The following L3MBTL4 variants were observed in gnomAD, a reference collection of about 807,000 sequenced individuals.
L3MBTL4 encodes lethal(3)malignant brain tumor-like protein 4.
In L3MBTL4, 70 loss-of-function variants were observed where a neutral mutation model predicts 84.5. The observed-to-expected ratio is 0.83, with a 90% confidence interval of 0.68 to 1.01. The LOEUF (loss-of-function observed/expected upper bound fraction) is 1.01, where lower values mean the gene tolerates loss of function less well. Among genes scored for constraint, L3MBTL4 ranks in the 50% least tolerant of loss-of-function variants. The probability of loss-of-function intolerance (pLI) is 0.00; values close to 1 mark genes in which losing one functional copy is unlikely to be tolerated. For synonymous variants in L3MBTL4, 274 were observed against 259.8 expected (o/e 1.05, Z -0.52); for missense variants, 715 against 754.8 (o/e 0.95, Z 0.62).
At chr18:6,314,234 G>A (rs535866272) in intron 1 of L3MBTL4, among the ~76,000 whole-genome samples, 1 of 152,182 alleles carries the variant, frequency 6.6e-6, no homozygotes, top group African/African-American at 2.4e-5. Context: ...AAAATACATG[G>A]ATTACTCTGA....
At chr18:6,199,337 A>C (rs564876960) in intron 12 of L3MBTL4, among the ~76,000 whole-genome samples, 1 of 152,266 alleles carries the variant, frequency 6.6e-6, no homozygotes, top group South Asian at 2.1e-4. Flanking sequence ...TTCCACTTAA[A>C]TTCATTAAAC....
intron 1 of L3MBTL4, among the ~76,000 whole-genome samples, chr18:6,321,183 A>G (rs2051382992): frequency 6.6e-6 from 1 of 152,176 alleles, no homozygotes; most frequent in Non-Finnish European, 1.5e-5. Context: ...AAAATTTATG[A>G]CTACGACCCC....
intron 4 of L3MBTL4, among the ~76,000 whole-genome samples, chr18:6,281,193 A>G (rs1231265911): frequency 6.6e-6 from 1 of 152,212 alleles, no homozygotes; most frequent in Non-Finnish European, 1.5e-5. Flanking sequence ...TAATGCATAA[A>G]GAATAAATTA....
intron 1 of L3MBTL4, among the ~76,000 whole-genome samples, chr18:6,360,956 T>C (rs1007303947): frequency 4.0e-5 from 6 of 150,978 alleles, no homozygotes; most frequent in Non-Finnish European, 7.4e-5. Flanking sequence ...AGTCCAAGGC[T>C]GCAGTGAGCT....
chr18:6,198,972 T>C (rs1372808419), intron 12 of L3MBTL4, among the ~76,000 whole-genome samples: 1 of 152,214 alleles, frequency 6.6e-6, no homozygotes, highest in Non-Finnish European at 1.5e-5. Flanking sequence ...ATTATGTAAT[T>C]ACTGATTTTT....
rs141073480 is a variant in L3MBTL4, at chr18:6,001,308, G to A, written c.1445-31746C>T. 4.6e-3 allele frequency among the ~76,000 whole-genome samples: 703 copies of A among 152,300 alleles called. 4 individuals carry two copies. Among genetic ancestry groups the A allele is most frequent in the African/African-American group, 0.016 (684 of 41,570 alleles). Reference sequence around the variant, plus strand: ...CCTTCTGGGGAGCCAAACATTTAAGGATTAGCACATTTAAAAGCAATAACA... The same window carrying A: ...CCTTCTGGGGAGCCAAACATTTAAGAATTAGCACATTTAAAAGCAATAACA... On this transcript the variant is annotated intron_variant, in intron 16 of 18. Transcript: ENST00000317931.
At chr18:6,090,948 T>A (rs1251935260) in intron 15 of L3MBTL4, among the ~76,000 whole-genome samples, 2 of 152,122 alleles carry the variant, frequency 1.3e-5, no homozygotes, top group Non-Finnish European at 2.9e-5. Context: ...TGGAGGCCAG[T>A]GGAAATTATA....
At chr18:6,369,693 C>T (rs78917622) in intron 1 of L3MBTL4, among the ~76,000 whole-genome samples, 2 of 152,108 alleles carry the variant, frequency 1.3e-5, no homozygotes, top group African/African-American at 4.8e-5. Flanking sequence ...GGGGGATATG[C>T]AACAGACCTG....
In L3MBTL4 at chr18:6,302,085, A is replaced by G; in HGVS notation, c.73-128T>C. The G allele has an allele frequency of 9.9e-6, 8 of 809,478 alleles. 1 individual carries two copies. Among genetic ancestry groups the G allele is most frequent in the Non-Finnish European group, 1.8e-5 (8 of 453,870 alleles). The allele number at this position is 809,478 out of a possible 1,614,324, so 50.1% of individuals were successfully genotyped here. A position where few individuals can be genotyped will look rare whatever the true frequency, so the allele number is the denominator to read the frequency against. ...CGTCACTGAGGCGGACAACGCACAC[A>G]ATACCCAGAGTCTTCCGGTGGGTGC... On this transcript the variant is annotated intron_variant, in intron 3 of 18. Transcript: ENST00000317931.
intron 12 of L3MBTL4, among the ~76,000 whole-genome samples, chr18:6,183,071 T>C (rs181116759): frequency 8.4e-4 from 128 of 152,306 alleles, no homozygotes; most frequent in Non-Finnish European, 1.5e-3. Context: ...ATAGAATTAG[T>C]TTTTCCCATA....
chr18:6,042,069 G>A (rs905212022), intron 16 of L3MBTL4, among the ~76,000 whole-genome samples: 2 of 152,028 alleles, frequency 1.3e-5, no homozygotes, highest in Non-Finnish European at 2.9e-5. Context: ...TCCCATACAG[G>A]TTTCCCCAAC....
chr18:6,281,411 T>G (rs2049316012), intron 4 of L3MBTL4, among the ~76,000 whole-genome samples: 1 of 152,210 alleles, frequency 6.6e-6, no homozygotes. Flanking sequence ...CTTATGGTGT[T>G]AATTCTCCAA....
chr18:6,253,237 G>C (rs1415604907), intron 5 of L3MBTL4, among the ~76,000 whole-genome samples: 4 of 152,060 alleles, frequency 2.6e-5, no homozygotes, highest in Admixed American at 1.3e-4. Context: ...ACCCTATATT[G>C]GAACTATGAC....
chr18:6,268,407 C>CAAAA (rs374801819), intron 4 of L3MBTL4, among the ~76,000 whole-genome samples: 1,846 of 148,238 alleles, frequency 0.012, 33 homozygotes, highest in African/African-American at 0.042. Flanking sequence ...AACTCTGTCT[C>CAAAA]AAAAAAAAAA....
At chr18:6,049,181 C>A (rs1213068183) in intron 16 of L3MBTL4, among the ~76,000 whole-genome samples, 2 of 152,064 alleles carry the variant, frequency 1.3e-5, no homozygotes, top group East Asian at 3.9e-4. Flanking sequence ...CTAGGAAACA[C>A]CATTTTCTGA....
At chr18:5,965,785 G>A (rs765238339) in intron 17 of L3MBTL4, among the ~76,000 whole-genome samples, 7 of 152,278 alleles carry the variant, frequency 4.6e-5, no homozygotes, top group South Asian at 2.1e-4. Context: ...TTCAGGATGC[G>A]GTCCTTGTCC....
At chr18:6,356,070 C>T (rs533830456) in intron 1 of L3MBTL4, among the ~76,000 whole-genome samples, 5 of 152,302 alleles carry the variant, frequency 3.3e-5, no homozygotes, top group South Asian at 2.1e-4. Flanking sequence ...GCAATGATGC[C>T]GTCAGCTCTC....
At chr18:6,185,997 A>T (rs548334867) in intron 12 of L3MBTL4, among the ~76,000 whole-genome samples, 1 of 123,840 alleles carries the variant, frequency 8.1e-6, no homozygotes, top group African/African-American at 4.2e-5. Flanking sequence ...TTATTTTATT[A>T]TTTTATATTT....
intron 1 of L3MBTL4, among the ~76,000 whole-genome samples, chr18:6,333,708 C>A (rs2052171377): frequency 7.4e-6 from 1 of 134,588 alleles, no homozygotes; most frequent in South Asian, 2.2e-4. Flanking sequence ...AGAGAACAAC[C>A]ACAAACAAAT....
Sources: gnomAD v4.1 joint callset for allele counts (sites outside exome capture counted in the v4.1 genomes callset) on GRCh38, gnomAD v4.1.1 for gene constraint, MANE v1.5 for transcripts, NCBI Gene and HGNC (gene_info 2026-07-23, HGNC 2026-07-21) for gene names.